ZNF385D: variants seen among roughly 807,000 people sequenced by gnomAD.
The protein encoded by ZNF385D is zinc finger protein 659.
In ZNF385D, 15 loss-of-function variants were observed where a neutral mutation model predicts 35.8. The observed-to-expected ratio is 0.42, with a 90% CI of 0.28 to 0.64. The LOEUF (loss-of-function observed/expected upper bound fraction) is 0.64. Among genes scored for constraint, ZNF385D ranks in the 30% least tolerant of loss-of-function variants. The probability of loss-of-function intolerance (pLI) is 0.23; values close to 1 mark genes in which losing one functional copy is unlikely to be tolerated. For synonymous variants in ZNF385D, 212 were observed against 186.8 expected, an observed-to-expected ratio of 1.13 and a Z score of -1.10; for missense variants, 474 against 494.6, an observed-to-expected ratio of 0.96 and a Z score of 0.39.
At chr3:22,072,863 C>T (rs936188910) in intron 3 of ZNF385D, among the ~76,000 whole-genome samples, 1 of 151,952 alleles carries the variant, frequency 6.6e-6, no homozygotes, top group Non-Finnish European at 1.5e-5. Flanking sequence ...ACATATTCTT[C>T]CCTGAGCTTG....
chr3:21,690,906 A>C (rs2067261652), intron 1 of ZNF385D, among the ~76,000 whole-genome samples: 1 of 152,148 alleles, frequency 6.6e-6, no homozygotes, highest in African/African-American at 2.4e-5. Flanking sequence ...CACCTACGTG[A>C]TCAATATCTA....
intron 3 of ZNF385D, among the ~76,000 whole-genome samples, chr3:21,868,080 G>T (rs1429978623): frequency 6.6e-6 from 1 of 152,084 alleles, no homozygotes; most frequent in African/African-American, 2.4e-5. Context: ...TATTTGCTAG[G>T]TTCTGTGTTA....
chr3:22,282,021 A>G (rs191711961), intron 2 of ZNF385D, among the ~76,000 whole-genome samples: 1 of 152,088 alleles, frequency 6.6e-6, no homozygotes, highest in Non-Finnish European at 1.5e-5. Context: ...TAAGTTTTCT[A>G]GTTTATGCGT....
intron 3 of ZNF385D, among the ~76,000 whole-genome samples, chr3:21,772,491 A>G (rs1026925980): frequency 1.3e-5 from 2 of 151,982 alleles, no homozygotes; most frequent in South Asian, 2.1e-4. Flanking sequence ...GCTCACAAAC[A>G]TTAGAGAAAT....
chr3:22,234,832 A>G (rs536889026), intron 2 of ZNF385D, among the ~76,000 whole-genome samples: 1 of 152,212 alleles, frequency 6.6e-6, no homozygotes, highest in East Asian at 1.9e-4. Flanking sequence ...GTGAATGCTC[A>G]ATAAAATATT....
intron 3 of ZNF385D, among the ~76,000 whole-genome samples, chr3:21,561,574 T>A (rs2062948210): frequency 6.6e-6 from 1 of 152,098 alleles, no homozygotes; most frequent in Non-Finnish European, 1.5e-5. Context: ...AGCTGCAGAC[T>A]GGAGCTGTTT....
chr3:22,250,027 A>G (rs564099393), intron 2 of ZNF385D, among the ~76,000 whole-genome samples: 1 of 152,190 alleles, frequency 6.6e-6, no homozygotes, highest in Admixed American at 6.6e-5. Flanking sequence ...ATAAATCTCA[A>G]TCTTCATATA....
At chr3:22,269,060 A>G (rs1295563938) in intron 2 of ZNF385D, among the ~76,000 whole-genome samples, 2 of 151,944 alleles carry the variant, frequency 1.3e-5, no homozygotes, top group Non-Finnish European at 2.9e-5. Context: ...CATATTTTCC[A>G]GCTTCTTCTT....
At chr3:21,568,400 C>A (rs1007005912) in intron 2 of ZNF385D, among the ~76,000 whole-genome samples, 3 of 152,060 alleles carry the variant, frequency 2.0e-5, no homozygotes, top group Non-Finnish European at 4.4e-5. Context: ...CTATTATAAT[C>A]AAATATTTTA....
chr3:21,995,465 C>A (rs932890650), intron 3 of ZNF385D, among the ~76,000 whole-genome samples: 1 of 152,082 alleles, frequency 6.6e-6, no homozygotes, highest in South Asian at 2.1e-4. Flanking sequence ...GCAGGCTGAG[C>A]TGACCCATCT....
rs77348001 is a variant in ZNF385D, at chr3:22,154,220, A to G, written c.325+14597T>C. 6.9e-3 allele frequency among the ~76,000 whole-genome samples: 1,052 copies of G among 152,280 alleles called. 16 individuals carry two copies. Among genetic ancestry groups the G allele is most frequent in the African/African-American group, 0.024 (987 of 41,554 alleles). On this transcript the variant is annotated intron_variant, in intron 3 of 5. Transcript: ENST00000494108. Reference sequence around the variant, plus strand: ...TTATTGTTGAAGGCCTGCCACTACAATTGAAGCTCATTTCATTTCCAGCTC... The same window carrying G: ...TTATTGTTGAAGGCCTGCCACTACAGTTGAAGCTCATTTCATTTCCAGCTC...
chr3:21,757,120 C>CTTTTTTTTTTTTTTTTTTTTTTT (rs61226426), intron 3 of ZNF385D, among the ~76,000 whole-genome samples: 58 of 106,408 alleles, frequency 5.5e-4, no homozygotes, highest in African/African-American at 1.2e-3. Flanking sequence ...ATAAATTTCT[C>CTTTTTTTTTTTTTTTTTTTTTTT]TTTTTTTTTT....
chr3:22,040,325 C>A (rs1576208475), intron 3 of ZNF385D, among the ~76,000 whole-genome samples: 2 of 152,236 alleles, frequency 1.3e-5, no homozygotes, highest in East Asian at 3.9e-4. Flanking sequence ...ATTCTTACTA[C>A]ACTTTAAGGA....
chr3:21,778,845 CTA>C (rs2071389702), intron 3 of ZNF385D, among the ~76,000 whole-genome samples: 1 of 151,796 alleles, frequency 6.6e-6, no homozygotes. Context: ...GATGAAAAGA[CTA>C]TTTTAATGAA....
intron 2 of ZNF385D, among the ~76,000 whole-genome samples, chr3:22,308,296 T>C (rs193023462): frequency 4.9e-4 from 74 of 152,212 alleles, no homozygotes; most frequent in Admixed American, 4.7e-3. Context: ...AATAATTTCC[T>C]TTTCTTCATA....
chr3:21,424,721 A>G (rs1700932596), intron 6 of ZNF385D, among the ~76,000 whole-genome samples: 2 of 149,414 alleles, frequency 1.3e-5, no homozygotes, highest in South Asian at 2.1e-4. Context: ...ACATTTACAA[A>G]GGGAAGGAAT....
chr3:22,007,396 A>G (rs1312496076), intron 3 of ZNF385D, among the ~76,000 whole-genome samples: 2 of 152,104 alleles, frequency 1.3e-5, no homozygotes, highest in Admixed American at 1.3e-4. Context: ...TTTTATGGAT[A>G]TTTATTTAGT....
chr3:22,356,424 G>A (rs1259253737), intron 2 of ZNF385D, among the ~76,000 whole-genome samples: 1 of 151,846 alleles, frequency 6.6e-6, no homozygotes, highest in Non-Finnish European at 1.5e-5. Flanking sequence ...TTGAAGTGGG[G>A]CAGCAAATAG....
intron 2 of ZNF385D, among the ~76,000 whole-genome samples, chr3:22,177,888 C>A (rs1355442753): frequency 2.6e-5 from 4 of 152,128 alleles, no homozygotes; most frequent in African/African-American, 9.7e-5. Flanking sequence ...CCAGCTTCAT[C>A]CAATGTCCCT....
Sources: allele counts gnomAD v4.1 joint callset (sites outside exome capture counted in the v4.1 genomes callset), GRCh38; gene constraint gnomAD v4.1.1; transcripts MANE v1.5; gene names NCBI Gene and HGNC (gene_info 2026-07-23, HGNC 2026-07-21).